The following SETX variants were observed in gnomAD, a reference collection of about 807,000 sequenced individuals.
SETX encodes the protein senataxin, also known as helicase senataxin.
Under a neutral mutation model 227.2 loss-of-function variants are expected in SETX, and 90 were observed. The observed-to-expected ratio is 0.40, with a 90% confidence interval of 0.33 to 0.47. SETX has a LOEUF of 0.47. SETX is among the 20% of genes least tolerant of loss of function. The probability of loss-of-function intolerance (pLI) is 0.91; values close to 1 mark genes in which losing one functional copy is unlikely to be tolerated. For synonymous variants in SETX, 1,210 were observed against 1,113.2 expected, an observed-to-expected ratio of 1.09 and a Z score of -1.73; for missense variants, 3,052 against 3,181.5, an observed-to-expected ratio of 0.96 and a Z score of 0.98.
chr9:132,311,489 C>T (rs916281825), intron 11 of SETX, among the ~76,000 whole-genome samples: 2 of 152,196 alleles, frequency 1.3e-5, no homozygotes, highest in African/African-American at 4.8e-5. Context: ...CACCAAATCC[C>T]TCCACTCACC....
intron 25 of SETX, among the ~76,000 whole-genome samples, chr9:132,268,626 C>T (rs1449803519): frequency 1.3e-5 from 2 of 152,038 alleles, no homozygotes; most frequent in Non-Finnish European, 1.5e-5. Context: ...AGTACAATTT[C>T]AAAGAGAGGA....
chr9:132,344,790 G>A (rs1292035747), intron 4 of SETX, among the ~76,000 whole-genome samples: 1 of 150,318 alleles, frequency 6.7e-6, no homozygotes, highest in Non-Finnish European at 1.5e-5. Context: ...CAGGAGAATC[G>A]CTTGAACCCA....
At chr9:132,321,926 T>A (rs969669621) in intron 10 of SETX, among the ~76,000 whole-genome samples, 4 of 152,180 alleles carry the variant, frequency 2.6e-5, no homozygotes, top group African/African-American at 9.6e-5. Context: ...GAAGTGCCAA[T>A]GGTCAACAAG....
intron 3 of SETX, among the ~76,000 whole-genome samples, chr9:132,348,136 A>G (rs912900320): frequency 1.3e-5 from 2 of 151,894 alleles, no homozygotes; most frequent in Admixed American, 6.6e-5. Flanking sequence ...AGGTGGGCAG[A>G]TCACCTGACG....
At position 132,331,494 on chromosome 9, in the gene SETX, AACAT is replaced by A. The variant is rs755988226; in HGVS notation, c.839-50_839-47del. On this transcript the variant is annotated intron_variant, in intron 7 of 25. Transcript: ENST00000224140. ...CGTTGAATTACTAAACAGTTAGAAA[AACAT>A]ACTACAATATATTGAGAATTAAGCA... The A allele has an allele frequency of 2.4e-5, 38 of 1,576,498 alleles. No homozygotes were observed. The Admixed American group carries it at 5.7e-4, about 24-fold the overall frequency.
intron 11 of SETX, among the ~76,000 whole-genome samples, chr9:132,301,607 A>C (rs1444921594): frequency 6.6e-6 from 1 of 152,148 alleles, no homozygotes; most frequent in African/African-American, 2.4e-5. Context: ...ACAATTACCT[A>C]CAGTATTCAA....
intron 14 of SETX, among the ~76,000 whole-genome samples, chr9:132,296,324 G>A (rs1004793918): frequency 2.6e-5 from 4 of 152,126 alleles, no homozygotes; most frequent in Admixed American, 6.5e-5. Context: ...AGGCCGAGGC[G>A]GGCGGATCAC....
chr9:132,321,476 G>A (rs977701602), intron 10 of SETX, among the ~76,000 whole-genome samples: 13 of 152,044 alleles, frequency 8.6e-5, no homozygotes, highest in Admixed American at 8.5e-4. Flanking sequence ...CCAACATGGT[G>A]AAACCCCGTC....
intron 22 of SETX, among the ~76,000 whole-genome samples, chr9:132,276,326 T>G (rs1589620508): frequency 6.6e-6 from 1 of 152,152 alleles, no homozygotes; most frequent in South Asian, 2.1e-4. Context: ...AGCACTACAA[T>G]CCCATGGCCA....
At chr9:132,315,800 G>C (rs1303029033) in intron 10 of SETX, among the ~76,000 whole-genome samples, 1 of 152,148 alleles carries the variant, frequency 6.6e-6, no homozygotes, top group Non-Finnish European at 1.5e-5. Context: ...GCAGTGTCAG[G>C]AGTCTATGCA....
At chr9:132,269,441 A>C (rs537182697) in intron 25 of SETX, 174 bp downstream of exon 25, 1 of 1,581,566 alleles carries the variant, frequency 6.3e-7, no homozygotes, top group South Asian at 1.1e-5. Context: ...TCTGGGCTGA[A>C]AAAAGGCGAA....
At chr9:132,278,332 T>G in intron 20 of SETX, 75 bp from the exon 21 acceptor site, 1 of 1,448,330 alleles carries the variant, frequency 6.9e-7, no homozygotes, top group South Asian at 1.1e-5. Flanking sequence ...ACACAATTAC[T>G]GAGATCTAAT....
In SETX at chr9:132,307,527, T is replaced by C. The variant is rs1264583790; in HGVS notation, c.5374+4230A>G. Among the ~76,000 whole-genome samples the C allele has an allele frequency of 2.6e-5, 4 of 152,058 alleles. No homozygotes were observed. In the East Asian group the frequency reaches 7.7e-4, roughly 29 times the overall value. On this transcript the variant is annotated intron_variant, in intron 11 of 25. Coordinates refer to ENST00000224140, the MANE Select transcript of SETX (RefSeq NM_015046.7). ...GCTCAGTTATGGGATAAAAACAATA[T>C]ATATGATGAACTTGGAACATCTTGT... is the stretch of plus-strand genomic sequence containing the variant.
At chr9:132,266,336 C>CT (rs1347900597) in intron 25 of SETX, 2 of 152,226 alleles carry the variant, frequency 1.3e-5, no homozygotes, top group Non-Finnish European at 2.9e-5. Flanking sequence ...TGGGGAGCCT[C>CT]TTGGCCATGT....
At chr9:132,305,166 A>G (rs1845254815) in intron 11 of SETX, among the ~76,000 whole-genome samples, 1 of 151,468 alleles carries the variant, frequency 6.6e-6, no homozygotes, top group Non-Finnish European at 1.5e-5. Context: ...CATCCTGGCT[A>G]ACATGGTGAA....
chr9:132,313,336 C>CTAGGAT (rs1845779657), intron 10 of SETX, among the ~76,000 whole-genome samples: 1 of 151,984 alleles, frequency 6.6e-6, no homozygotes, highest in African/African-American at 2.4e-5. Flanking sequence ...CCTGAGAGTA[C>CTAGGAT]CTAGAAGATC....
chr9:132,279,657 G>C (rs1843382773), intron 20 of SETX, among the ~76,000 whole-genome samples: 1 of 152,146 alleles, frequency 6.6e-6, no homozygotes, highest in African/African-American at 2.4e-5. Context: ...ATTATTAATA[G>C]ATACATGCCA....
chr9:132,339,538 A>G (rs1015677837), intron 5 of SETX, among the ~76,000 whole-genome samples: 4 of 152,180 alleles, frequency 2.6e-5, no homozygotes, highest in Non-Finnish European at 5.9e-5. Context: ...AACTGAACCT[A>G]ACTATGGTTT....
chr9:132,333,314 G>A (rs1009036960), intron 7 of SETX, among the ~76,000 whole-genome samples: 10 of 149,604 alleles, frequency 6.7e-5, no homozygotes, highest in African/African-American at 2.5e-4. Context: ...AGAGGCAGAG[G>A]CTGCAGTTAG....
Sources: allele counts gnomAD v4.1 joint callset (sites outside exome capture counted in the v4.1 genomes callset), GRCh38; gene constraint gnomAD v4.1.1; transcripts MANE v1.5; gene names NCBI Gene and HGNC (gene_info 2026-07-23, HGNC 2026-07-21).